The following CNTNAP5 variants were observed in gnomAD, a reference collection of about 807,000 sequenced individuals.
CNTNAP5 encodes the protein contactin associated protein family member 5.
Under a neutral mutation model 150.2 loss-of-function variants are expected in CNTNAP5, and 72 were observed. The ratio of observed to expected loss-of-function variants is 0.48; its 90% CI spans 0.40 to 0.58. The LOEUF (loss-of-function observed/expected upper bound fraction) is 0.58, where lower values mean the gene tolerates loss of function less well. Ranked by LOEUF, CNTNAP5 falls within the 20% of genes least tolerant of loss-of-function variation. The pLI is 0.00. For synonymous variants in CNTNAP5, 672 were observed against 619.8 expected, an observed-to-expected ratio of 1.08 and a Z score of -1.25; for missense variants, 1,636 against 1,626.2, an observed-to-expected ratio of 1.01 and a Z score of -0.10.
intron 1 of CNTNAP5, among the ~76,000 whole-genome samples, chr2:124,108,766 C>T (rs1683225428): frequency 1.3e-5 from 2 of 152,160 alleles, no homozygotes; most frequent in African/African-American, 4.8e-5. Context: ...ACTGGAGAAC[C>T]ACTTGTCCAG....
chr2:124,744,994 G>A (rs764305016), intron 13 of CNTNAP5, among the ~76,000 whole-genome samples: 5 of 152,086 alleles, frequency 3.3e-5, no homozygotes, highest in Non-Finnish European at 7.4e-5. Flanking sequence ...TGGTTAAAAC[G>A]TGTTTCAACT....
At chr2:124,759,064 A>G (rs1475184096) in intron 14 of CNTNAP5, among the ~76,000 whole-genome samples, 1 of 152,136 alleles carries the variant, frequency 6.6e-6, no homozygotes, top group Admixed American at 6.6e-5. Context: ...GCAAGAAATT[A>G]AAATTAGAAT....
At chr2:124,462,840 T>C (rs2104822665) in intron 6 of CNTNAP5, among the ~76,000 whole-genome samples, 1 of 152,312 alleles carries the variant, frequency 6.6e-6, no homozygotes, top group East Asian at 1.9e-4. Context: ...CCTTGACAGA[T>C]AGACATCCAT....
intron 12 of CNTNAP5, among the ~76,000 whole-genome samples, chr2:124,624,166 G>T (rs912804903): frequency 6.6e-6 from 1 of 152,224 alleles, no homozygotes. Flanking sequence ...CTGCTAAATT[G>T]GGCCATTAAA....
intron 8 of CNTNAP5, among the ~76,000 whole-genome samples, chr2:124,520,099 G>A (rs1694818503): frequency 6.6e-6 from 1 of 152,086 alleles, no homozygotes; most frequent in African/African-American, 2.4e-5. Context: ...TGTTTTTTGT[G>A]GTGTTAGTTT....
intron 1 of CNTNAP5, among the ~76,000 whole-genome samples, chr2:124,093,969 T>G (rs1418031029): frequency 6.6e-6 from 1 of 152,220 alleles, no homozygotes; most frequent in Admixed American, 6.5e-5. Flanking sequence ...AGGAGAAATT[T>G]GCTCATTTGG....
intron 13 of CNTNAP5, among the ~76,000 whole-genome samples, chr2:124,709,875 T>A (rs558160746): frequency 4.6e-4 from 70 of 152,304 alleles, no homozygotes; most frequent in African/African-American, 1.6e-3. Context: ...ATTCCCAATC[T>A]TCAGCTAACT....
At chr2:124,097,550 C>A (rs918090439) in intron 1 of CNTNAP5, among the ~76,000 whole-genome samples, 1 of 152,176 alleles carries the variant, frequency 6.6e-6, no homozygotes, top group African/African-American at 2.4e-5. Flanking sequence ...GACATGCTGG[C>A]GCCCCAGAGC....
chr2:124,425,729 G>A (rs1014553635), intron 4 of CNTNAP5, among the ~76,000 whole-genome samples: 1 of 152,092 alleles, frequency 6.6e-6, no homozygotes, highest in Non-Finnish European at 1.5e-5. Flanking sequence ...ATGCTTCCCT[G>A]TACCGCATCT....
intron 14 of CNTNAP5, among the ~76,000 whole-genome samples, chr2:124,761,130 C>T (rs144148614): frequency 7.9e-5 from 12 of 152,280 alleles, no homozygotes; most frequent in Non-Finnish European, 1.3e-4. Flanking sequence ...AGCAAATCTA[C>T]AGCTGTAGAC....
chr2:124,247,596 A>T (rs2420580), intron 3 of CNTNAP5, among the ~76,000 whole-genome samples: 63,725 of 151,918 alleles, frequency 0.42, 14,097 homozygotes, highest in Non-Finnish European at 0.49. Flanking sequence ...TATACAAAAA[A>T]ATGGGAAGAG....
At chr2:124,164,872 T>C (rs1398497729) in intron 1 of CNTNAP5, among the ~76,000 whole-genome samples, 1 of 142,878 alleles carries the variant, frequency 7.0e-6, no homozygotes, top group African/African-American at 2.6e-5. Context: ...AAAAATCAGG[T>C]TTTGTCTTAA....
At chr2:124,588,220 CTTT>C in intron 11 of CNTNAP5, among the ~76,000 whole-genome samples, 1 of 117,408 alleles carries the variant, frequency 8.5e-6, no homozygotes, top group East Asian at 2.4e-4. Flanking sequence ...TTCTTTCTTT[CTTT>C]CTTTCTTTCT....
chr2:124,817,409 A>G (rs373113945), intron 19 of CNTNAP5, among the ~76,000 whole-genome samples: 1 of 152,210 alleles, frequency 6.6e-6, no homozygotes, highest in Non-Finnish European at 1.5e-5. Context: ...ATACTTCAAA[A>G]AAAAAGTAAA....
At chr2:124,882,742 T>C (rs879730518) in intron 21 of CNTNAP5, among the ~76,000 whole-genome samples, 4 of 152,004 alleles carry the variant, frequency 2.6e-5, no homozygotes, top group Non-Finnish European at 5.9e-5. Flanking sequence ...ATACTTGAGA[T>C]TGGGTAATTT....
chr2:124,052,911 G>A (rs2104644443), intron 1 of CNTNAP5, among the ~76,000 whole-genome samples: 2 of 152,092 alleles, frequency 1.3e-5, no homozygotes, highest in South Asian at 4.1e-4. Context: ...TCTCTGCTTA[G>A]CCCAGTATCA....
chr2:124,752,241 G>A (rs1240811279), intron 14 of CNTNAP5, among the ~76,000 whole-genome samples: 1 of 152,018 alleles, frequency 6.6e-6, no homozygotes, highest in Non-Finnish European at 1.5e-5. Flanking sequence ...ATTTTTTTGA[G>A]TAAGCTTCTC....
At chr2:124,837,864 G>A (rs971150974) in intron 19 of CNTNAP5, among the ~76,000 whole-genome samples, 1 of 151,994 alleles carries the variant, frequency 6.6e-6, no homozygotes, top group East Asian at 1.9e-4. Flanking sequence ...ATATCAATTG[G>A]TAATGAGACT....
chr2:124,564,980 G>C (rs973542849), intron 11 of CNTNAP5, among the ~76,000 whole-genome samples: 2 of 152,162 alleles, frequency 1.3e-5, no homozygotes, highest in African/African-American at 2.4e-5. Context: ...TTAAGTGCCT[G>C]CTGTTTTTGG....
Sources: gnomAD v4.1 joint callset for allele counts (sites outside exome capture counted in the v4.1 genomes callset) on GRCh38, gnomAD v4.1.1 for gene constraint, MANE v1.5 for transcripts, NCBI Gene and HGNC (gene_info 2026-07-23, HGNC 2026-07-21) for gene names.